The following CNPY3 variants were observed in gnomAD, a reference collection of about 807,000 sequenced individuals.
The protein encoded by CNPY3 is protein canopy homolog 3.
In CNPY3, 20 loss-of-function variants were observed where a neutral mutation model predicts 32.0. The observed-to-expected ratio is 0.63, with a 90% CI of 0.44 to 0.91. CNPY3 has a LOEUF of 0.91. Among genes scored for constraint, CNPY3 ranks in the 40% least tolerant of loss-of-function variants. The pLI, the probability that CNPY3 is intolerant of heterozygous loss-of-function variation, is 0.00. For missense variants in CNPY3, 299 were observed against 340.8 expected (o/e 0.88, Z 0.97); for synonymous variants, 138 against 142.9 (o/e 0.97, Z 0.24).
At chr6:42,938,527 T>C in intron 5 of CNPY3, 41 bp from the exon 6 acceptor site, 1 of 1,538,198 alleles carries the variant, frequency 6.5e-7, no homozygotes, top group East Asian at 2.4e-5. Context: ...ACCCCAGCCC[T>C]GAGGCACTTC....
At chr6:42,928,145 G>A (rs201815111), upstream of CNPY3, among the ~76,000 whole-genome samples, 17 of 151,670 alleles carry the variant, frequency 1.1e-4, 1 homozygote, top group East Asian at 1.9e-3. Context: ...GTGCCACCAC[G>A]CCCGGCTAAC....
At chr6:42,937,894 G>A in intron 4 of CNPY3, 55 bp downstream of exon 4, 1 of 1,609,590 alleles carries the variant, frequency 6.2e-7, no homozygotes, top group South Asian at 1.1e-5. Flanking sequence ...GGGCTGGTGG[G>A]GATTGGGTCT....
chr6:42,935,441 A>G (rs1027076759), intron 2 of CNPY3, 133 bp from the exon 3 acceptor site: 11 of 1,360,652 alleles, frequency 8.1e-6, no homozygotes, highest in Non-Finnish European at 1.1e-5. Context: ...CAGATGACCT[A>G]TCTTCCTTCC....
At chr6:42,930,655 A>C (rs546046086) in intron 1 of CNPY3, among the ~76,000 whole-genome samples, 1 of 152,052 alleles carries the variant, frequency 6.6e-6, no homozygotes, top group Non-Finnish European at 1.5e-5. Flanking sequence ...CTGCCTTCCT[A>C]GCCCCGTAAC....
upstream of CNPY3, among the ~76,000 whole-genome samples, chr6:42,928,813 A>G (rs1767536365): frequency 6.6e-6 from 1 of 152,236 alleles, no homozygotes; most frequent in African/African-American, 2.4e-5. Flanking sequence ...CTTTAATTCT[A>G]TTAACCTATT....
At chr6:42,929,101 G>A (rs1465368123), upstream of CNPY3, 1 of 157,598 alleles carries the variant, frequency 6.3e-6, no homozygotes, top group African/African-American at 2.4e-5. Flanking sequence ...GACCCCAGGA[G>A]GGAAGTGACG....
At position 42,929,719 on chromosome 6, in the gene CNPY3, A is replaced by T. The variant is rs1295924097; in HGVS notation, c.149A>T (p.Glu50Val). ...NDWVRLPSKC[E>V]VCKYVAVELK... ...TGGGTTCGCCTGCCCAGCAAATGCGAAGGTGAGGAGGCGGGGCCCGTGGGG... is the reference window on the plus strand; with the variant it reads ...TGGGTTCGCCTGCCCAGCAAATGCGTAGGTGAGGAGGCGGGGCCCGTGGGG... The change falls in exon 1 of 6, where the codon GAA (glutamate) becomes GTA (valine). Residue 50 changes from glutamate (E) to valine (V), a missense_variant and splice_region_variant. This residue lies in a region of CNPY3 where 88 missense variants were observed against 62.5 expected (regional missense o/e 1.41). Transcript: ENST00000372836. 1 of 1,545,556 alleles carries T rather than the reference A, an allele frequency of 6.5e-7. No individual in the cohort carries two copies. Among genetic ancestry groups the T allele is most frequent in the Admixed American group, 2.0e-5 (1 of 50,784 alleles).
rs1333545225 is a variant in CNPY3, at chr6:42,938,774, C to G, written c.820C>G (p.Pro274Ala). 2 of 1,610,870 alleles carry G rather than the reference C, an allele frequency of 1.2e-6. No individual in the cohort carries two copies. The highest frequency in any genetic ancestry group is 1.7e-6 in the Non-Finnish European group (2 of 1,178,042). ...GAAGGCATCCCCTCTCACACACAGC[C>G]CCCCTGATGAGCTCTGAGCCCACCC... ...IQKASPLTHS[P>A]PDEL Residue 274 changes from proline (P) to alanine (A), a missense_variant, in exon 6 of 6, where the codon CCC becomes GCC. By Grantham distance (27) the Pro-to-Ala change is conservative (BLOSUM62 -1). Coordinates refer to ENST00000372836, the MANE Select transcript of CNPY3 (RefSeq NM_006586.5).
intron 1 of CNPY3, among the ~76,000 whole-genome samples, chr6:42,930,974 C>G (rs374877641): frequency 3.4e-4 from 52 of 151,986 alleles, no homozygotes; most frequent in Middle Eastern, 3.4e-3. Context: ...ATTGCAACCT[C>G]TGCCTCCTAG....
chr6:42,934,873 T>G (rs532031024), intron 2 of CNPY3, among the ~76,000 whole-genome samples: 1 of 151,344 alleles, frequency 6.6e-6, no homozygotes, highest in African/African-American at 2.4e-5. Flanking sequence ...GCAATGCAAG[T>G]TTTTTTTTGC....
upstream of CNPY3, among the ~76,000 whole-genome samples, chr6:42,928,196 C>A (rs1351552839): frequency 6.6e-6 from 1 of 152,036 alleles, no homozygotes; most frequent in East Asian, 1.9e-4. Flanking sequence ...AGCATCTTGG[C>A]CAGGCTGGTC....
At chr6:42,932,162 C>G (rs1767877350) in intron 1 of CNPY3, among the ~76,000 whole-genome samples, 1 of 152,212 alleles carries the variant, frequency 6.6e-6, no homozygotes, top group Non-Finnish European at 1.5e-5. Context: ...ATCTCTATAT[C>G]TCTATATCTA....
upstream of CNPY3, among the ~76,000 whole-genome samples, chr6:42,928,091 A>G (rs1455620717): frequency 6.6e-6 from 1 of 152,038 alleles, no homozygotes; most frequent in East Asian, 1.9e-4. Context: ...AGGTTCAAGC[A>G]ATTCTCCTGC....
intron 1 of CNPY3, among the ~76,000 whole-genome samples, chr6:42,930,565 G>A (rs1307198822): frequency 6.6e-6 from 1 of 152,134 alleles, no homozygotes; most frequent in Non-Finnish European, 1.5e-5. Flanking sequence ...GGAGCTACCA[G>A]CGAGCCAGGA....
At chr6:42,933,246 C>T (rs1055585789) in intron 1 of CNPY3, among the ~76,000 whole-genome samples, 1 of 152,146 alleles carries the variant, frequency 6.6e-6, no homozygotes, top group Non-Finnish European at 1.5e-5. Flanking sequence ...GCCTCAGGCA[C>T]TTCACACCCT....
intron 1 of CNPY3, among the ~76,000 whole-genome samples, chr6:42,930,142 A>G (rs1767688764): frequency 6.6e-6 from 1 of 152,122 alleles, no homozygotes; most frequent in Admixed American, 6.5e-5. Context: ...CACTCAGGAA[A>G]CTACAGAGGC....
At chr6:42,928,326 TGGGG>T (rs34224541), upstream of CNPY3, among the ~76,000 whole-genome samples, 1 of 151,052 alleles carries the variant, frequency 6.6e-6, no homozygotes, top group Admixed American at 6.6e-5. Context: ...ATTTTTGAGA[TGGGG>T]GGGGTGTCTC....
At position 42,938,749 on chromosome 6, in the gene CNPY3, G is replaced by A. The variant is rs563479822; in HGVS notation, c.795G>A (p.Gln265=). The A allele has an allele frequency of 1.2e-6, 2 of 1,613,730 alleles. No homozygotes were observed. Among genetic ancestry groups the A allele is most frequent in the Admixed American group, 3.3e-5 (2 of 59,974 alleles). ...GCCCCGAGGAGGATGAGGGCATCCA[G>A]AAGGCATCCCCTCTCACACACAGCC... is the stretch of plus-strand genomic sequence containing the variant. ...DPSPEEDEGI[Q]KASPLTHSPP... is the part of the protein sequence containing the mutation. Residue 265 remains glutamine, a synonymous_variant, in exon 6 of 6, where the codon CAG becomes CAA. Transcript: ENST00000372836.
At position 42,935,611 on chromosome 6, in the gene CNPY3, A is replaced by C. The variant is rs200837590; in HGVS notation, c.313A>C (p.Lys105Gln). The change falls in exon 3 of 6, where the codon AAG (lysine) becomes CAG (glutamine). Residue 105 changes from lysine to glutamine, a missense_variant. This residue lies in a region of CNPY3 where 211 missense variants were observed against 278.3 expected (regional missense o/e 0.76). Coordinates refer to ENST00000372836, the MANE Select transcript of CNPY3 (RefSeq NM_006586.5). Reference sequence around the variant, plus strand: ...AATCGAAGTCACTGAGACCATTTGCAAGAGGCTCCTGGATTATAGCCTGCA... The same window carrying C: ...AATCGAAGTCACTGAGACCATTTGCCAGAGGCTCCTGGATTATAGCCTGCA... ...RLIEVTETIC[K>Q]RLLDYSLHKE... 1.3e-4 allele frequency: 204 copies of C among 1,612,092 alleles called. No individual in the cohort carries two copies. The highest frequency in any genetic ancestry group is 3.4e-6 in the Non-Finnish European group (4 of 1,178,342).
Sources: allele counts gnomAD v4.1 joint callset (sites outside exome capture counted in the v4.1 genomes callset), GRCh38; gene constraint gnomAD v4.1.1; regional missense constraint gnomAD v4.1.1; transcripts MANE v1.5; gene names NCBI Gene and HGNC (gene_info 2026-07-23, HGNC 2026-07-21).